The following UBL3 variants were observed in gnomAD, a reference collection of about 807,000 sequenced individuals.
UBL3 encodes ubiquitin like 3, also known as ubiquitin-like protein 3.
Under a neutral mutation model 18.4 loss-of-function variants are expected in UBL3, and 6 were observed. The ratio of observed to expected loss-of-function variants is 0.33; its 90% CI spans 0.18 to 0.64. UBL3 has a LOEUF of 0.64. UBL3 is among the 30% of genes least tolerant of loss of function. The probability of loss-of-function intolerance (pLI) is 0.76; values close to 1 mark genes in which losing one functional copy is unlikely to be tolerated. For synonymous variants in UBL3, 49 were observed against 46.6 expected, an observed-to-expected ratio of 1.05 and a Z score of -0.21; for missense variants, 109 against 142.9, an observed-to-expected ratio of 0.76 and a Z score of 1.21.
chr13:29,769,930 G>T (rs1038174011), intron 3 of UBL3, among the ~76,000 whole-genome samples: 3 of 151,968 alleles, frequency 2.0e-5, no homozygotes, highest in Admixed American at 6.6e-5. Flanking sequence ...ACTACTTCGT[G>T]GTCATCCACT....
intron 1 of UBL3, among the ~76,000 whole-genome samples, chr13:29,819,722 A>G (rs1878375578): frequency 6.6e-6 from 1 of 152,192 alleles, no homozygotes; most frequent in Non-Finnish European, 1.5e-5. Flanking sequence ...AAAAGTTAGA[A>G]GAGAACCATA....
chr13:29,785,293 T>C (rs1398364199), intron 1 of UBL3, among the ~76,000 whole-genome samples: 1 of 152,196 alleles, frequency 6.6e-6, no homozygotes, highest in Non-Finnish European at 1.5e-5. Flanking sequence ...GTGTTGGGGA[T>C]TTCTCTGTAT....
chr13:29,792,794 T>C (rs1478619792), intron 1 of UBL3, among the ~76,000 whole-genome samples: 1 of 152,228 alleles, frequency 6.6e-6, no homozygotes, highest in Admixed American at 6.5e-5. Flanking sequence ...AGAATTGGTA[T>C]GACAAATTAT....
chr13:29,849,586 G>GA lies in UBL3; in HGVS notation c.-49dup, dbSNP rs1373291999. ...GATGTTTACGAAAAAAACAAACAAA[G>GA]AAAAAAGAGCAGAAGTCTTCACGTT... is the stretch of plus-strand genomic sequence containing the variant. On this transcript the variant is annotated 5_prime_UTR_variant, in exon 1 of 5. Transcript: ENST00000380680. The GA allele has an allele frequency of 6.2e-7, 1 of 1,609,220 alleles. No homozygotes were observed. The highest frequency in any genetic ancestry group is 1.3e-5 in the African/African-American group (1 of 74,766).
chr13:29,809,091 T>C (rs1877971686), intron 1 of UBL3, among the ~76,000 whole-genome samples: 1 of 152,144 alleles, frequency 6.6e-6, no homozygotes, highest in Non-Finnish European at 1.5e-5. Context: ...GTACACATGA[T>C]GTAAAACATA....
At chr13:29,806,676 C>T (rs1438372709) in intron 1 of UBL3, among the ~76,000 whole-genome samples, 3 of 152,104 alleles carry the variant, frequency 2.0e-5, no homozygotes, top group East Asian at 1.9e-4. Flanking sequence ...AATACTGAGG[C>T]GTTCTTTGGC....
chr13:29,794,030 G>C (rs1877546237), intron 1 of UBL3, among the ~76,000 whole-genome samples: 1 of 152,080 alleles, frequency 6.6e-6, no homozygotes, highest in Non-Finnish European at 1.5e-5. Flanking sequence ...GTTTTTAGTA[G>C]AGATAAGGTT....
At chr13:29,845,276 T>C (rs1449318689) in intron 1 of UBL3, among the ~76,000 whole-genome samples, 1 of 152,092 alleles carries the variant, frequency 6.6e-6, no homozygotes, top group Non-Finnish European at 1.5e-5. Context: ...TAGGAGACAT[T>C]CAAGTAAAAA....
chr13:29,768,921 T>C (rs1876764654), intron 3 of UBL3, among the ~76,000 whole-genome samples: 1 of 152,072 alleles, frequency 6.6e-6, no homozygotes, highest in East Asian at 1.9e-4. Flanking sequence ...TGTATATCAT[T>C]CTCATACCCG....
chr13:29,769,129 T>C (rs1431251509), intron 3 of UBL3, among the ~76,000 whole-genome samples: 5 of 152,116 alleles, frequency 3.3e-5, no homozygotes, highest in African/African-American at 1.2e-4. Context: ...TGCACAGAAC[T>C]TGGTACAAAG....
chr13:29,772,749 C>A (rs976921458), intron 2 of UBL3, among the ~76,000 whole-genome samples: 3 of 151,990 alleles, frequency 2.0e-5, no homozygotes, highest in Non-Finnish European at 4.4e-5. Flanking sequence ...GAAGATACAA[C>A]TTTAGTTCAC....
At chr13:29,771,023 A>C (rs551736963) in intron 3 of UBL3, among the ~76,000 whole-genome samples, 98 of 152,002 alleles carry the variant, frequency 6.4e-4, no homozygotes, top group Non-Finnish European at 1.3e-3. Context: ...CAGGATTTTT[A>C]CCAGTGCATT....
chr13:29,813,950 T>C (rs1226117105), intron 1 of UBL3, among the ~76,000 whole-genome samples: 2 of 152,098 alleles, frequency 1.3e-5, no homozygotes, highest in African/African-American at 4.8e-5. Context: ...AAAGATGTAA[T>C]TAATGAATAT....
rs1255181996 is a variant in UBL3, at chr13:29,849,726, T to C, written c.-188A>G. 6 of 709,640 alleles carry C rather than the reference T, an allele frequency of 8.5e-6. 1 individual carries two copies. In the South Asian group the frequency reaches 9.0e-5, roughly 11 times the overall value. 44.0% of individuals were successfully genotyped at this position (709,640 alleles called of 1,614,324 possible). A position where few individuals can be genotyped will look rare whatever the true frequency, so the allele number is the denominator to read the frequency against. Reference sequence around the variant, plus strand: ...GAGGTTCTGGTTCGAAGAGGAACAATCCCCAGGAGCTGTGTGGCCGGAGCA... The same window carrying C: ...GAGGTTCTGGTTCGAAGAGGAACAACCCCCAGGAGCTGTGTGGCCGGAGCA... On this transcript the variant is annotated 5_prime_UTR_variant, in exon 1 of 5. Transcript: ENST00000380680.
chr13:29,781,905 G>A (rs1171930979), intron 1 of UBL3, among the ~76,000 whole-genome samples: 2 of 150,532 alleles, frequency 1.3e-5, no homozygotes, highest in African/African-American at 4.9e-5. Flanking sequence ...GGCTGAGGCA[G>A]GAGGATTACT....
At chr13:29,780,825 A>T (rs1877135501) in intron 1 of UBL3, among the ~76,000 whole-genome samples, 1 of 152,120 alleles carries the variant, frequency 6.6e-6, no homozygotes, top group Non-Finnish European at 1.5e-5. Flanking sequence ...TATTACAGCA[A>T]CTTGGTTTCT....
rs192812353 is a variant in UBL3, at chr13:29,846,062, C to T, written c.27+3450G>A. The stretch of plus-strand genomic sequence containing the variant: ...TCTTAGGCCTTATTACTAACACAGG[C>T]AGTAAATATTTTCTTGCAAAAAACC... On this transcript the variant is annotated intron_variant, in intron 1 of 4. Transcript: ENST00000380680. 1.7e-3 allele frequency among the ~76,000 whole-genome samples: 254 copies of T among 152,174 alleles called. 1 individual carries two copies. Among genetic ancestry groups the T allele is most frequent in the Non-Finnish European group, 3.0e-3 (206 of 67,942 alleles).
chr13:29,832,161 G>A (rs1000130179), intron 1 of UBL3, among the ~76,000 whole-genome samples: 1 of 152,130 alleles, frequency 6.6e-6, no homozygotes, highest in African/African-American at 2.4e-5. Flanking sequence ...AGAAAGATGA[G>A]GCCTCTCTGC....
intron 1 of UBL3, among the ~76,000 whole-genome samples, chr13:29,822,509 G>C (rs1878485122): frequency 6.6e-6 from 1 of 152,168 alleles, no homozygotes; most frequent in South Asian, 2.1e-4. Flanking sequence ...CTATCTTAGT[G>C]AAATTACAGG....
Sources: gnomAD v4.1 joint callset for allele counts (sites outside exome capture counted in the v4.1 genomes callset) on GRCh38, gnomAD v4.1.1 for gene constraint, MANE v1.5 for transcripts, NCBI Gene and HGNC (gene_info 2026-07-23, HGNC 2026-07-21) for gene names.